TMEM182: variants seen among roughly 807,000 people sequenced by gnomAD.
The protein encoded by TMEM182 is transmembrane protein 182.
TMEM182 carries 20 observed loss-of-function variants against 26.8 expected under a neutral mutation model. The ratio of observed to expected loss-of-function variants is 0.75; its 90% confidence interval spans 0.53 to 1.09. TMEM182 has a LOEUF of 1.09. Among genes scored for constraint, TMEM182 ranks in the 50% least tolerant of loss-of-function variants. The probability of loss-of-function intolerance (pLI) is 0.00; values close to 1 mark genes in which losing one functional copy is unlikely to be tolerated. For missense variants in TMEM182, 277 were observed against 275.5 expected (o/e 1.01, Z -0.04); for synonymous variants, 109 against 102.2 (o/e 1.07, Z -0.40).
intron 3 of TMEM182, among the ~76,000 whole-genome samples, chr2:102,790,246 A>G (rs1159363517): frequency 6.6e-6 from 1 of 152,216 alleles, no homozygotes; most frequent in Non-Finnish European, 1.5e-5. Flanking sequence ...TTTGTTAAGC[A>G]AGCCTGGCAA....
In TMEM182 at chr2:102,815,490, T is replaced by C; in HGVS notation, c.*522T>C. On this transcript the variant is annotated 3_prime_UTR_variant, in exon 5 of 5. Coordinates refer to ENST00000412401, the MANE Select transcript of TMEM182 (RefSeq NM_144632.5). ...AATAGACAGCAGTTGTTCTAATTAG[T>C]GGGAGCCATGTACTCACCAGTTAAA... 1 of 987,980 alleles carries C rather than the reference T, an allele frequency of 1.0e-6. No individual in the cohort carries two copies. Among genetic ancestry groups the C allele is most frequent in the Non-Finnish European group, 1.2e-6 (1 of 831,790 alleles). 61.2% of individuals were successfully genotyped at this position (987,980 alleles called of 1,614,324 possible).
intron 3 of TMEM182, among the ~76,000 whole-genome samples, chr2:102,765,852 C>T (rs2104663947): frequency 6.6e-6 from 1 of 152,286 alleles, no homozygotes; most frequent in South Asian, 2.1e-4. Context: ...TTAAAAACTG[C>T]AGAAGGCACC....
At chr2:102,764,804 A>G (rs1318344714) in intron 3 of TMEM182, among the ~76,000 whole-genome samples, 1 of 151,540 alleles carries the variant, frequency 6.6e-6, no homozygotes, top group Non-Finnish European at 1.5e-5. Flanking sequence ...TGTCATCATT[A>G]CACATGAGAA....
At chr2:102,835,500 C>T (rs1011928054) in intron 3 of TMEM182, among the ~76,000 whole-genome samples, 3 of 152,036 alleles carry the variant, frequency 2.0e-5, no homozygotes, top group African/African-American at 7.2e-5. Flanking sequence ...TGAGGGTTTA[C>T]TCTTGGTGCT....
chr2:102,761,283 A>G (rs1573499715), upstream of TMEM182, among the ~76,000 whole-genome samples: 1 of 152,310 alleles, frequency 6.6e-6, no homozygotes, highest in East Asian at 1.9e-4. Context: ...TATGATTCAT[A>G]TTTTGAGGAA....
chr2:102,839,541 T>C (rs1193240622), intron 3 of TMEM182, among the ~76,000 whole-genome samples: 2 of 150,944 alleles, frequency 1.3e-5, no homozygotes, highest in African/African-American at 4.9e-5. Flanking sequence ...AAAGAGTAGA[T>C]TTTAAAGATC....
rs1682737157 is a variant in TMEM182 at position 102,816,185 on chromosome 2, TA to T, written c.*1218del. 2 of 985,300 alleles carry T rather than the reference TA, an allele frequency of 2.0e-6. No individual in the cohort carries two copies. The highest frequency in any genetic ancestry group is 2.3e-4 in the East Asian group (2 of 8,824). The allele number at this position is 985,300 out of a possible 1,614,324, so 61.0% of individuals were successfully genotyped here. ...TGAAATCAAATCCATCTGAGATGCC[TA>T]GCTCGTATTTGCATTCTGGAAGCCT... On this transcript the variant is annotated 3_prime_UTR_variant, in exon 5 of 5. Coordinates refer to ENST00000412401, the MANE Select transcript of TMEM182 (RefSeq NM_144632.5).
At chr2:102,804,324 C>T (rs1682266707) in intron 4 of TMEM182, among the ~76,000 whole-genome samples, 2 of 152,062 alleles carry the variant, frequency 1.3e-5, no homozygotes, top group South Asian at 2.1e-4. Flanking sequence ...TACCCTTCCC[C>T]CCAAGTCCCC....
At chr2:102,787,638 G>A (rs916070737) in intron 3 of TMEM182, among the ~76,000 whole-genome samples, 3 of 152,156 alleles carry the variant, frequency 2.0e-5, no homozygotes, top group African/African-American at 7.2e-5. Flanking sequence ...TTCCTTCAGA[G>A]GACTTCAGCA....
At chr2:102,774,197 G>A (rs769546246) in intron 3 of TMEM182, among the ~76,000 whole-genome samples, 11 of 142,112 alleles carry the variant, frequency 7.7e-5, no homozygotes, top group Non-Finnish European at 1.5e-4. Flanking sequence ...ATGTCCATAT[G>A]TATCTTTACA....
At position 102,815,074 on chromosome 2, in the gene TMEM182, T is replaced by G; in HGVS notation, c.*106T>G. 1 of 1,467,612 alleles carries G rather than the reference T, an allele frequency of 6.8e-7. No homozygotes were observed. The highest frequency in any genetic ancestry group is 9.0e-7 in the Non-Finnish European group (1 of 1,116,270). The allele number at this position is 1,467,612 out of a possible 1,614,324, so 90.9% of individuals were successfully genotyped here. ...GCATAAAGTTAGTAGATATAACTTT[T>G]TAGTTGCTATTCAAATTAATCATTT... On this transcript the variant is annotated 3_prime_UTR_variant, in exon 5 of 5. Transcript: ENST00000412401.
intron 4 of TMEM182, among the ~76,000 whole-genome samples, chr2:102,804,288 G>T (rs1482329963): frequency 6.6e-6 from 1 of 152,074 alleles, no homozygotes; most frequent in Non-Finnish European, 1.5e-5. Flanking sequence ...CACTCTATTT[G>T]TAGTCTTTTA....
chr2:102,813,274 A>G (rs1288289261), intron 4 of TMEM182, among the ~76,000 whole-genome samples: 1 of 152,060 alleles, frequency 6.6e-6, no homozygotes, highest in African/African-American at 2.4e-5. Context: ...GGCCCAGGAG[A>G]GAGAGGGCAT....
intron 3 of TMEM182, among the ~76,000 whole-genome samples, chr2:102,785,232 C>T (rs1681340556): frequency 6.6e-6 from 1 of 152,168 alleles, no homozygotes; most frequent in Non-Finnish European, 1.5e-5. Flanking sequence ...CCACTCCCCA[C>T]TCCTCCTCAG....
chr2:102,786,307 T>C (rs2732866), intron 3 of TMEM182, among the ~76,000 whole-genome samples: 81,527 of 147,974 alleles, frequency 0.55, 22,758 homozygotes, highest in African/African-American at 0.67. Flanking sequence ...CTCTGCCACC[T>C]GGGTTCAAGT....
At chr2:102,742,359 A>C (rs1199895181) in intron 1 of TMEM182, among the ~76,000 whole-genome samples, 2 of 152,156 alleles carry the variant, frequency 1.3e-5, no homozygotes, top group African/African-American at 4.8e-5. Flanking sequence ...ACATAATAAA[A>C]ATTCAAAAGA....
intron 1 of TMEM182, among the ~76,000 whole-genome samples, chr2:102,753,642 A>G (rs1679945229): frequency 6.6e-6 from 1 of 152,166 alleles, no homozygotes; most frequent in African/African-American, 2.4e-5. Context: ...AAGTGCTTGG[A>G]TTACAGACAT....
At chr2:102,780,607 C>G (rs1326528316) in intron 3 of TMEM182, among the ~76,000 whole-genome samples, 1 of 152,098 alleles carries the variant, frequency 6.6e-6, no homozygotes, top group African/African-American at 2.4e-5. Flanking sequence ...GTCTTAGCAC[C>G]CTATATGGTC....
upstream of TMEM182, among the ~76,000 whole-genome samples, chr2:102,760,796 A>T (rs553863680): frequency 6.6e-6 from 1 of 152,012 alleles, no homozygotes; most frequent in East Asian, 1.9e-4. Flanking sequence ...TTGTATTTTT[A>T]GTAGACATGG....
Sources: allele counts gnomAD v4.1 joint callset (sites outside exome capture counted in the v4.1 genomes callset), GRCh38; gene constraint gnomAD v4.1.1; transcripts MANE v1.5; gene names NCBI Gene and HGNC (gene_info 2026-07-23, HGNC 2026-07-21).